Variants in PCDHA6 observed in about 807,000 individuals in gnomAD.
The protein encoded by PCDHA6 is protocadherin alpha-6.
PCDHA6 carries 55 observed loss-of-function variants against 60.3 expected under a neutral mutation model. The observed-to-expected ratio is 0.91, with a 90% CI of 0.73 to 1.14. PCDHA6 has a LOEUF of 1.14. Among genes scored for constraint, PCDHA6 ranks in the 50% most tolerant of loss-of-function variants. The pLI, the probability that PCDHA6 is intolerant of heterozygous loss-of-function variation, is 0.00. For synonymous variants in PCDHA6, 652 were observed against 557.9 expected, an observed-to-expected ratio of 1.17 and a Z score of -2.38; for missense variants, 1,327 against 1,256.5, an observed-to-expected ratio of 1.06 and a Z score of -0.85.
intron 2 of PCDHA6, among the ~76,000 whole-genome samples, chr5:140,980,956 C>T (rs2096912703): frequency 6.6e-6 from 1 of 152,110 alleles, no homozygotes; most frequent in Non-Finnish European, 1.5e-5. Flanking sequence ...AGGATAGTTA[C>T]ACCTTCATGA....
At chr5:140,996,087 G>C (rs1178912945) in intron 3 of PCDHA6, among the ~76,000 whole-genome samples, 3 of 152,200 alleles carry the variant, frequency 2.0e-5, no homozygotes, top group Non-Finnish European at 4.4e-5. Flanking sequence ...GTTTTTGCTA[G>C]ATTACATGGA....
intron 1 of PCDHA6, among the ~76,000 whole-genome samples, chr5:140,941,192 TTTC>T (rs1447153939): frequency 7.0e-5 from 7 of 99,658 alleles, no homozygotes; most frequent in Admixed American, 1.0e-4. Flanking sequence ...CTTCTTTTTT[TTTC>T]TTTCTTCCTT....
In PCDHA6 at chr5:140,982,506, C is replaced by T. The variant is rs139355257; in HGVS notation, c.2485C>T (p.Arg829Trp). The change falls in exon 3 of 4, where the codon CGG (arginine) becomes TGG (tryptophan). Residue 829 changes from arginine to tryptophan, a missense_variant. Arg to Trp is a moderately radical substitution (Grantham distance 101). Coordinates refer to ENST00000529310, the MANE Select transcript of PCDHA6 (RefSeq NM_018909.4). ...GCACCTAGAGGAGGCTGGCATTCTACGGGCTGGTCCAGGAGGGCCTGATCA... is the reference window on the plus strand; with the variant it reads ...GCACCTAGAGGAGGCTGGCATTCTATGGGCTGGTCCAGGAGGGCCTGATCA... The part of the protein sequence containing the change: ...SVHLEEAGIL[R>W]AGPGGPDQQW... The T allele has an allele frequency of 3.5e-5, 57 of 1,614,162 alleles. No individual in the cohort carries two copies. Among genetic ancestry groups the T allele is most frequent in the Middle Eastern group, 3.3e-4 (2 of 6,058 alleles).
rs190376919 is a variant in PCDHA6 at position 140,840,629 on chromosome 5, G to A, written c.2394+10144G>A. Among the ~76,000 whole-genome samples, 4 of 152,140 alleles carry A rather than the reference G, an allele frequency of 2.6e-5. No homozygotes were observed. The East Asian group carries it at 7.7e-4, about 29-fold the overall frequency. On this transcript the variant is annotated intron_variant, in intron 1 of 3. Coordinates refer to ENST00000529310, the MANE Select transcript of PCDHA6 (RefSeq NM_018909.4). ...GAGAGGCTGAATTTAACAAGCTATA[G>A]AGATATAGAGAAATAGTGTAAAGAA...
intron 1 of PCDHA6, chr5:140,842,497 T>A: frequency 6.2e-7 from 1 of 1,613,888 alleles, no homozygotes; most frequent in East Asian, 2.2e-5. Context: ...TGATGCCCCA[T>A]GTCCCCTTCA....
At chr5:140,912,824 A>T (rs1391588183) in intron 1 of PCDHA6, among the ~76,000 whole-genome samples, 3 of 152,170 alleles carry the variant, frequency 2.0e-5, no homozygotes, top group Non-Finnish European at 4.4e-5. Flanking sequence ...AGGGATTTTG[A>T]ATTTTATTAA....
intron 1 of PCDHA6, chr5:140,927,345 C>G (rs1391320223): frequency 1.2e-6 from 2 of 1,614,012 alleles, no homozygotes. Context: ...CCCAAGATGA[C>G]GACGAGGGAA....
At chr5:140,986,946 G>A (rs544796668) in intron 3 of PCDHA6, among the ~76,000 whole-genome samples, 9 of 152,230 alleles carry the variant, frequency 5.9e-5, no homozygotes, top group South Asian at 2.1e-4. Context: ...GGGTGTGGTC[G>A]CTCATGCCTG....
At chr5:140,957,919 A>G (rs1477103013) in intron 1 of PCDHA6, among the ~76,000 whole-genome samples, 1 of 152,158 alleles carries the variant, frequency 6.6e-6, no homozygotes, top group Non-Finnish European at 1.5e-5. Flanking sequence ...TTATCTATGT[A>G]TCAAGCTAAA....
chr5:140,853,419 G>A lies in PCDHA6; in HGVS notation c.2394+22934G>A, dbSNP rs2150531537. The A allele has an allele frequency of 1.0e-5, 10 of 986,026 alleles. No individual in the cohort carries two copies. The East Asian group carries it at 1.1e-3, about 112-fold the overall frequency. 61.1% of individuals were successfully genotyped at this position (986,026 alleles called of 1,614,324 possible). On this transcript the variant is annotated intron_variant, in intron 1 of 3. Coordinates refer to ENST00000529310, the MANE Select transcript of PCDHA6 (RefSeq NM_018909.4). ...AGTTCAAAACAGAGAGGTGAAAGCA[G>A]AAGAGACACTTTCCTATTTTGCCTA... is the stretch of plus-strand genomic sequence containing the variant.
chr5:140,856,315 T>A (rs782568790), intron 1 of PCDHA6: 4 of 1,598,576 alleles, frequency 2.5e-6, no homozygotes, highest in Non-Finnish European at 3.4e-6. Context: ...ATTCTCGGAT[T>A]GACCGCGAGG....
At chr5:140,931,547 T>C (rs2087587732) in intron 1 of PCDHA6, among the ~76,000 whole-genome samples, 1 of 152,064 alleles carries the variant, frequency 6.6e-6, no homozygotes, top group Admixed American at 6.5e-5. Flanking sequence ...ACTGTTCATA[T>C]GTGCAGGAAT....
At chr5:140,843,219 C>T (rs1554139873) in intron 1 of PCDHA6, 1 of 1,596,090 alleles carries the variant, frequency 6.3e-7, no homozygotes, top group East Asian at 2.2e-5. Context: ...GAGATCAGCA[C>T]CACTCGTGTC....
chr5:140,881,336 G>C (rs2058671987), intron 1 of PCDHA6: 1 of 984,948 alleles, frequency 1.0e-6, no homozygotes. Context: ...CCAGGACGCC[G>C]ATTCGGGCTA....
intron 1 of PCDHA6, among the ~76,000 whole-genome samples, chr5:140,944,227 G>A (rs1472509213): frequency 6.6e-6 from 1 of 152,046 alleles, no homozygotes; most frequent in Non-Finnish European, 1.5e-5. Flanking sequence ...TTACTCTGTC[G>A]CTCAGGCTGG....
At chr5:140,851,638 T>G in intron 1 of PCDHA6, 1 of 915,858 alleles carries the variant, frequency 1.1e-6, no homozygotes, top group Non-Finnish European at 1.3e-6. Context: ...AAGTGTTTCC[T>G]TTCTTCAAGA....
At chr5:140,979,150 C>T (rs1470916466) in intron 2 of PCDHA6, 143 bp downstream of exon 2, 4 of 1,435,458 alleles carry the variant, frequency 2.8e-6, no homozygotes, top group Middle Eastern at 3.7e-4. Context: ...ATTTTGTCCC[C>T]ATGTTTATTC....
intron 1 of PCDHA6, chr5:140,929,617 A>C: frequency 2.5e-6 from 1 of 401,992 alleles, no homozygotes; most frequent in Non-Finnish European, 4.5e-6. Context: ...AAATACCAAA[A>C]TATTTTATAA....
intron 1 of PCDHA6, chr5:140,841,411 G>C: frequency 6.2e-7 from 1 of 1,613,088 alleles, no homozygotes; most frequent in Non-Finnish European, 8.5e-7. Flanking sequence ...GGAGCGGCCA[G>C]CTCCACTACT....
Sources: gnomAD v4.1 joint callset for allele counts (sites outside exome capture counted in the v4.1 genomes callset) on GRCh38, gnomAD v4.1.1 for gene constraint, MANE v1.5 for transcripts, NCBI Gene and HGNC (gene_info 2026-07-23, HGNC 2026-07-21) for gene names.